Variants in MACROD1 observed in about 807,000 individuals in gnomAD.
MACROD1 encodes the protein ADP-ribose glycohydrolase MACROD1.
In MACROD1, 31 loss-of-function variants were observed where a neutral mutation model predicts 41.4. The ratio of observed to expected loss-of-function variants is 0.75; its 90% CI spans 0.56 to 1.01. MACROD1 has a LOEUF of 1.01. MACROD1 is among the 50% of genes least tolerant of loss of function. The pLI, the probability that MACROD1 is intolerant of heterozygous loss-of-function variation, is 0.00. For synonymous variants in MACROD1, 252 were observed against 203.4 expected (o/e 1.24, Z -2.03); for missense variants, 473 against 460.0 (o/e 1.03, Z -0.26).
intron 3 of MACROD1, among the ~76,000 whole-genome samples, chr11:64,029,000 GGGAGAGGGACC>G (rs1943259848): frequency 6.6e-6 from 1 of 152,208 alleles, no homozygotes; most frequent in African/African-American, 2.4e-5. Flanking sequence ...CCAGGACTCT[GGGAGAGGGACC>G]CTGGACTCAG....
chr11:64,113,028 G>A lies in MACROD1; in HGVS notation c.517+38211C>T, dbSNP rs114493608. Among the ~76,000 whole-genome samples the A allele has an allele frequency of 9.4e-3, 1,432 of 152,318 alleles. 26 individuals carry two copies. Among genetic ancestry groups the A allele is most frequent in the African/African-American group, 0.033 (1,365 of 41,570 alleles). ...GACATGAAAACACCAGTCACCAAATGGTGTGACCTGCAACCCACAGAGTGC... is the reference window on the plus strand; with the variant it reads ...GACATGAAAACACCAGTCACCAAATAGTGTGACCTGCAACCCACAGAGTGC... On this transcript the variant is annotated intron_variant, in intron 3 of 10. Coordinates refer to ENST00000255681, the MANE Select transcript of MACROD1 (RefSeq NM_014067.4).
Position 64,165,753 on chromosome 11 carries a change from A to T in MACROD1, c.242T>A (p.Leu81Gln). 1.3e-6 allele frequency: 2 copies of T among 1,498,988 alleles called. No homozygotes were observed. Among genetic ancestry groups the T allele is most frequent in the Non-Finnish European group, 1.8e-6 (2 of 1,128,386 alleles). 92.9% of individuals were successfully genotyped at this position (1,498,988 alleles called of 1,614,324 possible). The stretch of plus-strand genomic sequence containing the variant: ...CAGGTCCACCTTCGCCGCCATGGCC[A>T]GGGGGGCCCAAGTGCGCACCCCGGC... ...RTAGVRTWAP[L>Q]AMAAKVDLST... Residue 81 changes from leucine to glutamine, a missense_variant, in exon 1 of 11, where the codon CTG (leucine) becomes CAG (glutamine). Coordinates refer to ENST00000255681, the MANE Select transcript of MACROD1 (RefSeq NM_014067.4).
chr11:64,156,242 C>T (rs1945666145), intron 1 of MACROD1, among the ~76,000 whole-genome samples: 1 of 152,170 alleles, frequency 6.6e-6, no homozygotes, highest in South Asian at 2.1e-4. Flanking sequence ...GATTGTGCCA[C>T]TGCACTCCAG....
At chr11:64,164,409 C>T (rs1945803644) in intron 1 of MACROD1, among the ~76,000 whole-genome samples, 1 of 152,246 alleles carries the variant, frequency 6.6e-6, no homozygotes, top group Admixed American at 6.5e-5. Context: ...GTCTCCGTAG[C>T]TCTTTCCCAC....
rs1488315447 is a variant in MACROD1 at position 63,998,845 on chromosome 11, G to T, written c.*23C>A. ...GGGCGAGGCCCTGCTTACCAGTCCC[G>T]GTCAGGGTGGGCTGCGGGAGCCTCA... On this transcript the variant is annotated 3_prime_UTR_variant, in exon 10 of 11. Transcript: ENST00000255681. 3 of 1,583,630 alleles carry T rather than the reference G, an allele frequency of 1.9e-6. No individual in the cohort carries two copies. The highest frequency in any genetic ancestry group is 2.6e-6 in the Non-Finnish European group (3 of 1,167,544).
At position 64,151,302 on chromosome 11, in the gene MACROD1, C is replaced by G; in HGVS notation, c.454G>C (p.Glu152Gln). The G allele has an allele frequency of 6.2e-7, 1 of 1,614,022 alleles. No homozygotes were observed. The highest frequency in any genetic ancestry group is 8.5e-7 in the Non-Finnish European group (1 of 1,180,040). The change falls in exon 3 of 11, where the codon GAG becomes CAG. Residue 152 changes from glutamate to glutamine, a missense_variant. Coordinates refer to ENST00000255681, the MANE Select transcript of MACROD1 (RefSeq NM_014067.4). The stretch of plus-strand genomic sequence containing the variant: ...TCGCTGCGGAGCAGGGAGATTTTCT[C>G]ATTGAGCTGCTTGTCCTTTTTATAC... ...PRYKKDKQLN[E>Q]KISLLRSDIT...
chr11:64,050,600 G>GTCCAGCGGTGACCATGA (rs1943674768), intron 3 of MACROD1, among the ~76,000 whole-genome samples: 2 of 152,216 alleles, frequency 1.3e-5, no homozygotes, highest in Admixed American at 1.3e-4. Context: ...AGTGAGGGCT[G>GTCCAGCGGTGACCATGA]TCCAGCGGTG....
intron 3 of MACROD1, among the ~76,000 whole-genome samples, chr11:64,070,549 G>C (rs949456909): frequency 6.6e-6 from 1 of 152,194 alleles, no homozygotes; most frequent in Non-Finnish European, 1.5e-5. Flanking sequence ...TCGAGAACTC[G>C]AAGCAAGTCA....
intron 3 of MACROD1, among the ~76,000 whole-genome samples, chr11:64,119,515 G>A (rs1394239300): frequency 1.4e-5 from 2 of 137,972 alleles, no homozygotes; most frequent in African/African-American, 6.6e-5. Flanking sequence ...ATTAGCGCAG[G>A]GATTTTTTTT....
At position 64,120,515 on chromosome 11, in the gene MACROD1, C is replaced by T. The variant is rs34089806; in HGVS notation, c.517+30724G>A. Among the ~76,000 whole-genome samples, 25,070 of 151,928 alleles carry T rather than the reference C, an allele frequency of 0.17. 2,321 individuals carry two copies. Among genetic ancestry groups the T allele is most frequent in the Admixed American group, 0.28 (4,283 of 15,248 alleles). On this transcript the variant is annotated intron_variant, in intron 3 of 10. Coordinates refer to ENST00000255681, the MANE Select transcript of MACROD1 (RefSeq NM_014067.4). This position sits in a 1 kb window ranked among gnomAD's most constrained non-coding sequence, Gnocchi z 4.5. ...CAGCCTGGCCAACATGGTGAAAGTC[C>T]GTCTCTCTAAAAATGCAAAAATTAG...
At chr11:64,151,927 G>A (rs1472039791) in intron 2 of MACROD1, among the ~76,000 whole-genome samples, 4 of 152,096 alleles carry the variant, frequency 2.6e-5, no homozygotes, top group Non-Finnish European at 4.4e-5. Flanking sequence ...TCAGTAGTTC[G>A]AGACCAGCCT....
rs117458372 is a variant in MACROD1 at position 64,134,502 on chromosome 11, G to A, written c.517+16737C>T. Among the ~76,000 whole-genome samples, 1,375 of 152,278 alleles carry A rather than the reference G, an allele frequency of 9.0e-3. 8 individuals carry two copies. Among genetic ancestry groups the A allele is most frequent in the South Asian group, 0.015 (73 of 4,826 alleles). On this transcript the variant is annotated intron_variant, in intron 3 of 10. Coordinates refer to ENST00000255681, the MANE Select transcript of MACROD1 (RefSeq NM_014067.4). Reference sequence around the variant, plus strand: ...AAGCAAAGGATACAAAGGCAGTGGCGGCAGCAGCCCCGCTGAGACTTGCTG... The same window carrying A: ...AAGCAAAGGATACAAAGGCAGTGGCAGCAGCAGCCCCGCTGAGACTTGCTG...
In MACROD1 at chr11:64,067,740, A is replaced by G. The variant is rs1280978346; in HGVS notation, c.518-52459T>C. Among the ~76,000 whole-genome samples, 3 of 151,898 alleles carry G rather than the reference A, an allele frequency of 2.0e-5. No individual in the cohort carries two copies. The highest frequency in any genetic ancestry group is 4.4e-5 in the Non-Finnish European group (3 of 67,958). ...CCCTCGCGAGGCACCGCAGGCTGCC[A>G]CCCCCAGCTTGTGAACTGGGGGTGG... On this transcript the variant is annotated intron_variant, in intron 3 of 10. Coordinates refer to ENST00000255681, the MANE Select transcript of MACROD1 (RefSeq NM_014067.4). This position sits in a 1 kb window ranked among gnomAD's most constrained non-coding sequence, Gnocchi z 4.6.
chr11:64,037,162 G>C (rs1943397663), intron 3 of MACROD1, among the ~76,000 whole-genome samples: 1 of 152,204 alleles, frequency 6.6e-6, no homozygotes, highest in South Asian at 2.1e-4. Context: ...GGGTGACTGA[G>C]AACAGCCCTG....
At chr11:64,127,371 G>A (rs1356921752) in intron 3 of MACROD1, among the ~76,000 whole-genome samples, 1 of 151,970 alleles carries the variant, frequency 6.6e-6, no homozygotes, top group Non-Finnish European at 1.5e-5. Flanking sequence ...TGGTCTCAGC[G>A]GCCCACCCCC....
intron 3 of MACROD1, among the ~76,000 whole-genome samples, chr11:64,028,569 GC>G (rs1292771413): frequency 6.6e-6 from 1 of 152,220 alleles, no homozygotes; most frequent in Non-Finnish European, 1.5e-5. Flanking sequence ...TCCCTCCGCG[GC>G]CCAGCCTTTC....
intron 3 of MACROD1, among the ~76,000 whole-genome samples, chr11:64,137,066 C>G (rs1945343606): frequency 6.6e-6 from 1 of 152,250 alleles, no homozygotes; most frequent in Non-Finnish European, 1.5e-5. Context: ...CAAGGCTTTT[C>G]TTCAAATCGA....
chr11:64,159,862 G>A (rs1945727943), intron 1 of MACROD1, among the ~76,000 whole-genome samples: 1 of 152,160 alleles, frequency 6.6e-6, no homozygotes. Flanking sequence ...AGTAAAATCA[G>A]ACACTGCTGA....
chr11:64,117,416 G>A (rs753834109), intron 3 of MACROD1: 12 of 1,612,050 alleles, frequency 7.4e-6, no homozygotes, highest in Middle Eastern at 1.6e-4. Context: ...AGACGGGGCC[G>A]CAGGGCGGCG....
Sources: allele counts gnomAD v4.1 joint callset (sites outside exome capture counted in the v4.1 genomes callset), GRCh38; gene constraint gnomAD v4.1.1; non-coding constraint Gnocchi (gnomAD v3.1); transcripts MANE v1.5; gene names NCBI Gene and HGNC (gene_info 2026-07-23, HGNC 2026-07-21).